XPO7: variants seen among roughly 807,000 people sequenced by gnomAD.
XPO7 encodes exportin 7.
A neutral mutation model predicts 144.3 loss-of-function variants in XPO7; 21 were observed. That is an observed-to-expected ratio of 0.15 (90% CI 0.10 to 0.21). The LOEUF is 0.21. XPO7 is among the 10% of genes least tolerant of loss of function. XPO7 has a pLI of 1.00. For synonymous variants in XPO7, 580 were observed against 499.6 expected, an observed-to-expected ratio of 1.16 and a Z score of -2.15; for missense variants, 808 against 1,325.8, an observed-to-expected ratio of 0.61 and a Z score of 6.06.
chr8:21,950,979 T>TAC (rs1811351034), intron 1 of XPO7, among the ~76,000 whole-genome samples: 1 of 150,928 alleles, frequency 6.6e-6, no homozygotes, highest in South Asian at 2.1e-4. Context: ...AAAAAAAAAA[T>TAC]TAGTTGGGCG....
chr8:21,966,919 A>C lies in XPO7; in HGVS notation c.81A>C (p.Arg27=), dbSNP rs1233012849. Residue 27 remains arginine, a synonymous_variant, in exon 2 of 28, where the codon CGA becomes CGC. Transcript: ENST00000252512. The part of the protein sequence containing the change: ...QLYETTDTTT[R]LQAEKALVEF... The stretch of plus-strand genomic sequence containing the variant: ...ATGAAACCACAGACACAACCACTCG[A>C]CTCCAGGCAGAGAAAGCCTTGGTTG... The C allele has an allele frequency of 6.2e-7, 1 of 1,613,878 alleles. No homozygotes were observed. Among genetic ancestry groups the C allele is most frequent in the African/African-American group, 1.3e-5 (1 of 75,002 alleles).
In XPO7 at chr8:21,950,334, T is replaced by G. The variant is rs1451256661; in HGVS notation, c.19-16523T>G. Among the ~76,000 whole-genome samples, 4 of 152,326 alleles carry G rather than the reference T, an allele frequency of 2.6e-5. No homozygotes were observed. The East Asian group carries it at 5.8e-4, about 22-fold the overall frequency. On this transcript the variant is annotated intron_variant, in intron 1 of 27. Coordinates refer to ENST00000252512, the MANE Select transcript of XPO7 (RefSeq NM_015024.5). ...TCAAGGACATTTTCAAAGAAACACC[T>G]GAAGGTTTAATTAGCTTTAGTGCCA...
chr8:21,981,625 A>G (rs1812414220), intron 9 of XPO7, 106 bp from the exon 10 acceptor site: 16 of 1,397,392 alleles, frequency 1.1e-5, no homozygotes, highest in East Asian at 2.3e-5. Context: ...CCCAGAAGTT[A>G]AAAAGTAGAT....
chr8:21,982,597 C>G, intron 10 of XPO7, 43 bp from the exon 11 acceptor site: 1 of 1,534,314 alleles, frequency 6.5e-7, no homozygotes, highest in Non-Finnish European at 8.7e-7. Context: ...CTAACACGTA[C>G]AGAAATGAAA....
intron 1 of XPO7, among the ~76,000 whole-genome samples, chr8:21,929,025 G>A (rs1048223370): frequency 2.6e-5 from 4 of 152,148 alleles, no homozygotes; most frequent in African/African-American, 9.7e-5. Flanking sequence ...CCTGACTTTT[G>A]GGTGGAGGAC....
chr8:21,937,323 G>T (rs550789025), intron 1 of XPO7, among the ~76,000 whole-genome samples: 4 of 152,286 alleles, frequency 2.6e-5, no homozygotes, highest in East Asian at 1.9e-4. Context: ...AAAACATCTT[G>T]ATCTGTTATG....
At chr8:21,999,781 TG>T (rs1023064856) in intron 24 of XPO7, 107 bp downstream of exon 24, 1 of 1,431,096 alleles carries the variant, frequency 7.0e-7, no homozygotes, top group African/African-American at 1.4e-5. Flanking sequence ...ACCACTGCCT[TG>T]GGGGTTTGGC....
At chr8:22,003,609 C>G (rs1397974336) in intron 26 of XPO7, among the ~76,000 whole-genome samples, 1 of 152,142 alleles carries the variant, frequency 6.6e-6, no homozygotes, top group East Asian at 1.9e-4. Context: ...GACCTAAGAC[C>G]TAAGTTCTAG....
At chr8:22,004,950 T>TGG in intron 27 of XPO7, 45 bp from the exon 28 acceptor site, 1 of 901,396 alleles carries the variant, frequency 1.1e-6, no homozygotes, top group Non-Finnish European at 1.6e-6. Context: ...CAAATACCTT[T>TGG]CCCCCCCACT....
Position 21,987,825 on chromosome 8 carries a change from G to T in XPO7, c.1755G>T (p.Glu585Asp). ...RLSEVLGLNDETMVLSVFIGK... is the reference protein window; with the variant it reads ...RLSEVLGLNDDTMVLSVFIGK... ...CAGAAGTTCTGGGCTTGAATGATGA[G>T]ACCATGGTCCTAAGCGTCTTCATAG... is the stretch of plus-strand genomic sequence containing the variant. Residue 585 changes from glutamate to aspartate, a missense_variant, in exon 15 of 28, where the codon GAG becomes GAT. By Grantham distance (45) the Glu-to-Asp change is conservative. Transcript: ENST00000252512. 6.2e-7 allele frequency: 1 copy of T among 1,613,920 alleles called. No homozygotes were observed. Among genetic ancestry groups the T allele is most frequent in the South Asian group, 1.1e-5 (1 of 91,072 alleles).
intron 1 of XPO7, among the ~76,000 whole-genome samples, chr8:21,961,167 G>A (rs1811713704): frequency 6.6e-6 from 1 of 151,102 alleles, no homozygotes; most frequent in Non-Finnish European, 1.5e-5. Flanking sequence ...TCTCCATTGA[G>A]TGTGTATCTA....
At chr8:21,966,377 A>G in intron 1 of XPO7, 1 of 764,552 alleles carries the variant, frequency 1.3e-6, no homozygotes, top group Non-Finnish European at 2.4e-6. Context: ...ATCTTTACGC[A>G]TATACATTAT....
At chr8:21,944,603 T>C (rs1418984306) in intron 1 of XPO7, among the ~76,000 whole-genome samples, 1 of 152,066 alleles carries the variant, frequency 6.6e-6, no homozygotes, top group Admixed American at 6.6e-5. Context: ...AAATAAGGAA[T>C]ATTCTTTTAA....
chr8:21,960,436 CA>C (rs2117310770), intron 1 of XPO7, among the ~76,000 whole-genome samples: 1 of 152,272 alleles, frequency 6.6e-6, no homozygotes, highest in Non-Finnish European at 1.5e-5. Context: ...ACTTAAAAGT[CA>C]ATAAACCATT....
At chr8:21,924,534 G>T (rs1421821095) in intron 1 of XPO7, among the ~76,000 whole-genome samples, 1 of 148,906 alleles carries the variant, frequency 6.7e-6, no homozygotes, top group African/African-American at 2.5e-5. Context: ...GAGAGTTTTA[G>T]CTTCAAAGCC....
intron 1 of XPO7, among the ~76,000 whole-genome samples, chr8:21,962,598 CTTACAGAGGAATA>C (rs1811760635): frequency 1.3e-5 from 2 of 151,928 alleles, no homozygotes; most frequent in Non-Finnish European, 2.9e-5. Context: ...TTTTTTTCTG[CTTACAGAGGAATA>C]TGTGGTTGTG....
intron 9 of XPO7, 102 bp downstream of exon 9, chr8:21,980,305 TG>T: frequency 7.3e-7 from 1 of 1,375,652 alleles, no homozygotes; most frequent in Non-Finnish European, 9.6e-7. Flanking sequence ...CAATTCAGTC[TG>T]TTCTTCAGGG....
chr8:21,984,596 T>A, intron 11 of XPO7, 50 bp from the exon 12 acceptor site: 7 of 1,510,388 alleles, frequency 4.6e-6, no homozygotes, highest in Non-Finnish European at 6.2e-6. Flanking sequence ...ATTGGGCAAA[T>A]CAGTAGTCAT....
chr8:21,931,854 C>G (rs1810662374), intron 1 of XPO7, among the ~76,000 whole-genome samples: 1 of 152,106 alleles, frequency 6.6e-6, no homozygotes, highest in Non-Finnish European at 1.5e-5. Flanking sequence ...TTAAAATCTT[C>G]TATTCTGCTA....
Sources: allele counts gnomAD v4.1 joint callset (sites outside exome capture counted in the v4.1 genomes callset), GRCh38; gene constraint gnomAD v4.1.1; transcripts MANE v1.5; gene names NCBI Gene and HGNC (gene_info 2026-07-23, HGNC 2026-07-21).